The following RBFOX1 variants were observed in gnomAD, a reference collection of about 807,000 sequenced individuals.
The protein encoded by RBFOX1 is RNA binding protein fox-1 homolog 1.
A neutral mutation model predicts 57.7 loss-of-function variants in RBFOX1; 8 were observed. The ratio of observed to expected loss-of-function variants is 0.14; its 90% CI spans 0.08 to 0.25. The LOEUF (loss-of-function observed/expected upper bound fraction) is 0.25, where lower values mean the gene tolerates loss of function less well. RBFOX1 is among the 10% of genes least tolerant of loss of function. The pLI is 1.00. For synonymous variants in RBFOX1, 326 were observed against 222.4 expected, an observed-to-expected ratio of 1.47 and a Z score of -4.15; for missense variants, 611 against 548.5, an observed-to-expected ratio of 1.11 and a Z score of -1.14.
chr16:5,776,646 T>G (rs539997797), intron 3 of RBFOX1, among the ~76,000 whole-genome samples: 58 of 152,336 alleles, frequency 3.8e-4, no homozygotes, highest in African/African-American at 1.4e-3. Context: ...AGCAATGGTG[T>G]GGGTGTTAGT....
intron 4 of RBFOX1, among the ~76,000 whole-genome samples, chr16:5,892,521 TGAG>T (rs1356774470): frequency 6.6e-6 from 1 of 151,962 alleles, no homozygotes; most frequent in Non-Finnish European, 1.5e-5. Context: ...ATGATGAAGA[TGAG>T]GAAGAGAAGG....
chr16:6,772,907 A>ATTTGTGTGTGTGTGTC, intron 3 of RBFOX1, among the ~76,000 whole-genome samples: 1 of 61,088 alleles, frequency 1.6e-5, no homozygotes, highest in Admixed American at 1.7e-4. Flanking sequence ...GTGTGTGTGT[A>ATTTGTGTGTGTGTGTC]AGTGTGGGCT....
intron 3 of RBFOX1, among the ~76,000 whole-genome samples, chr16:5,682,500 C>T (rs563425360): frequency 2.1e-4 from 32 of 152,294 alleles, no homozygotes; most frequent in African/African-American, 6.7e-4. Flanking sequence ...GTATTACTTT[C>T]GGTGGAAGAG....
At chr16:7,377,299 C>T (rs142070626) in intron 4 of RBFOX1, among the ~76,000 whole-genome samples, 14 of 152,088 alleles carry the variant, frequency 9.2e-5, no homozygotes, top group African/African-American at 4.8e-5. Context: ...ACAGGTGGTC[C>T]GTATCACCCA....
chr16:7,632,317 T>G (rs2061104866), intron 11 of RBFOX1, among the ~76,000 whole-genome samples: 1 of 152,224 alleles, frequency 6.6e-6, no homozygotes, highest in South Asian at 2.1e-4. Context: ...TGGTTCTTTC[T>G]GAATTTGTGA....
intron 1 of RBFOX1, among the ~76,000 whole-genome samples, chr16:6,064,173 G>A (rs556171636): frequency 1.3e-5 from 2 of 152,086 alleles, no homozygotes; most frequent in African/African-American, 2.4e-5. Flanking sequence ...GGATATTATA[G>A]AGCCTATTCT....
intron 3 of RBFOX1, among the ~76,000 whole-genome samples, chr16:6,699,666 T>C (rs2061542742): frequency 6.6e-6 from 1 of 152,164 alleles, no homozygotes; most frequent in African/African-American, 2.4e-5. Context: ...CCCTGCCCTG[T>C]TCTGATGATG....
chr16:7,125,745 C>G (rs1324565689), intron 4 of RBFOX1, among the ~76,000 whole-genome samples: 1 of 151,998 alleles, frequency 6.6e-6, no homozygotes, highest in Middle Eastern at 3.4e-3. Flanking sequence ...CACAACTATG[C>G]AAATTGTGAG....
intron 4 of RBFOX1, among the ~76,000 whole-genome samples, chr16:7,258,774 G>A (rs2094801062): frequency 1.3e-5 from 2 of 152,058 alleles, no homozygotes; most frequent in South Asian, 4.1e-4. Context: ...TGCAACTACT[G>A]CTGATTTTGA....
chr16:7,447,784 G>C (rs779096322), intron 4 of RBFOX1, among the ~76,000 whole-genome samples: 57 of 152,318 alleles, frequency 3.7e-4, no homozygotes, highest in Non-Finnish European at 7.3e-4. Context: ...ATTTGTTGAA[G>C]GTTATAGGTC....
intron 4 of RBFOX1, among the ~76,000 whole-genome samples, chr16:7,492,520 G>A (rs1461706417): frequency 1.3e-5 from 2 of 152,106 alleles, no homozygotes; most frequent in African/African-American, 4.8e-5. Flanking sequence ...GCCACATGTA[G>A]CTACTTAAAA....
intron 1 of RBFOX1, among the ~76,000 whole-genome samples, chr16:6,295,099 GTTTTTTTTTTTT>G (rs563055676): frequency 3.1e-5 from 3 of 96,006 alleles, no homozygotes; most frequent in African/African-American, 1.3e-4. Context: ...TAAGCAGTGA[GTTTTTTTTTTTT>G]TTTTTTTTTT....
chr16:7,350,552 C>T (rs916292464), intron 4 of RBFOX1, among the ~76,000 whole-genome samples: 2 of 152,152 alleles, frequency 1.3e-5, no homozygotes, highest in African/African-American at 4.8e-5. Context: ...AAAGATTCCT[C>T]TGGAAAGTGG....
At chr16:7,107,896 C>G (rs4786966) in intron 4 of RBFOX1, among the ~76,000 whole-genome samples, 90,862 of 151,860 alleles carry the variant, frequency 0.6, 27,431 homozygotes, top group South Asian at 0.69. Flanking sequence ...TGATGCTAAA[C>G]GGTGGAGGGA....
intron 3 of RBFOX1, among the ~76,000 whole-genome samples, chr16:6,780,103 A>T (rs1450158790): frequency 2.2e-5 from 1 of 45,882 alleles, no homozygotes; most frequent in Non-Finnish European, 3.2e-5. Context: ...ATATATTTTT[A>T]TATATTTATA....
At chr16:7,695,253 C>CTTTTT (rs1411326933) in intron 14 of RBFOX1, among the ~76,000 whole-genome samples, 3 of 152,102 alleles carry the variant, frequency 2.0e-5, no homozygotes, top group Non-Finnish European at 4.4e-5. Context: ...AAGGAGACAC[C>CTTTTT]CATATCCATC....
At chr16:7,526,519 C>G (rs2078746498) in intron 5 of RBFOX1, among the ~76,000 whole-genome samples, 1 of 152,046 alleles carries the variant, frequency 6.6e-6, no homozygotes, top group Admixed American at 6.5e-5. Context: ...TCCCTTTTTT[C>G]TTCTAAACAA....
intron 5 of RBFOX1, 77 bp downstream of exon 5, chr16:7,518,466 C>A (rs1471275679): frequency 5.9e-6 from 9 of 1,514,994 alleles, no homozygotes; most frequent in Non-Finnish European, 7.9e-6. Flanking sequence ...CGGGGGTGCA[C>A]CCCCATCTAC....
chr16:6,815,358 G>A (rs368584072), intron 3 of RBFOX1, among the ~76,000 whole-genome samples: 2 of 152,104 alleles, frequency 1.3e-5, no homozygotes, highest in Non-Finnish European at 2.9e-5. Context: ...CTGTGACTAA[G>A]ATTGCCTAAC....
Sources: gnomAD v4.1 joint callset for allele counts (sites outside exome capture counted in the v4.1 genomes callset) on GRCh38, gnomAD v4.1.1 for gene constraint, MANE v1.5 for transcripts, NCBI Gene and HGNC (gene_info 2026-07-23, HGNC 2026-07-21) for gene names.